Variants in CSNK1A1 observed in about 807,000 individuals in gnomAD.
The protein encoded by CSNK1A1 is casein kinase I isoform alpha.
CSNK1A1 carries 7 observed loss-of-function variants against 46.1 expected under a neutral mutation model. That is an observed-to-expected ratio of 0.15 (90% confidence interval 0.09 to 0.29). CSNK1A1 has a LOEUF of 0.29. CSNK1A1 is among the 10% of genes least tolerant of loss of function. The probability of loss-of-function intolerance (pLI) is 1.00; values close to 1 mark genes in which losing one functional copy is unlikely to be tolerated. For missense variants in CSNK1A1, 96 were observed against 417.1 expected (o/e 0.23, Z 6.71); for synonymous variants, 137 against 141.5 (o/e 0.97, Z 0.23).
Position 149,550,478 on chromosome 5 carries a change from C to A in CSNK1A1, c.124-297G>T. ...AGGAACTAGGCGATCGGAAACTGTT[C>A]TAATTGGAACAAGAGGCCCAGTAGA... On this transcript the variant is annotated intron_variant, in intron 1 of 9. Transcript: ENST00000377843. This position sits in a 1 kb window ranked among gnomAD's most constrained non-coding sequence, Gnocchi z 4.3. The A allele has an allele frequency of 2.9e-6, 1 of 340,246 alleles. No individual in the cohort carries two copies. The highest frequency in any genetic ancestry group is 4.1e-6 in the Non-Finnish European group (1 of 243,538). 21.1% of individuals were successfully genotyped at this position (340,246 alleles called of 1,614,324 possible). A position where few individuals can be genotyped will look rare whatever the true frequency, so the allele number is the denominator to read the frequency against.
chr5:149,548,385 G>C (rs554796680), intron 2 of CSNK1A1, among the ~76,000 whole-genome samples: 8 of 151,068 alleles, frequency 5.3e-5, no homozygotes, highest in Non-Finnish European at 1.2e-4. Context: ...TGGCCAACAC[G>C]GCAAAACCTC....
chr5:149,542,668 A>ATATATATATATATATATATG (rs1762332482), intron 2 of CSNK1A1, among the ~76,000 whole-genome samples: 1 of 11,700 alleles, frequency 8.5e-5, no homozygotes, highest in South Asian at 4.0e-3. Flanking sequence ...ATATATATAT[A>ATATATATATATATATATATG]TATGTATATA....
rs188419735 is a variant in CSNK1A1 at position 149,522,610 on chromosome 5, T to C, written c.358-2222A>G. ...ACACAGATTCTAAATTGTACTCTTC[T>C]ACCTTGACAAATGTCTTCTGAAGCC... On this transcript the variant is annotated intron_variant, in intron 3 of 9. Coordinates refer to ENST00000377843, the MANE Select transcript of CSNK1A1 (RefSeq NM_001892.6). Among the ~76,000 whole-genome samples the C allele has an allele frequency of 2.0e-4, 30 of 152,344 alleles. No individual in the cohort carries two copies. The South Asian group carries it at 3.3e-3, about 17-fold the overall frequency.
chr5:149,507,466 T>TC (rs904237076), intron 7 of CSNK1A1, among the ~76,000 whole-genome samples: 69 of 147,788 alleles, frequency 4.7e-4, no homozygotes, highest in African/African-American at 1.7e-3. Context: ...TTCGTGAACT[T>TC]TTTTTTTTTT....
chr5:149,509,399 CAG>C (rs914616771), intron 7 of CSNK1A1, among the ~76,000 whole-genome samples: 19 of 152,110 alleles, frequency 1.2e-4, no homozygotes, highest in African/African-American at 3.4e-4. Context: ...TCATTTGAGA[CAG>C]AGTCTTACTC....
In CSNK1A1 at chr5:149,507,311, C is replaced by A. The variant is rs149551454; in HGVS notation, c.751-178G>T. ...CATAAATTTAAATAAAATTTCATGA[C>A]CCTACCTACCCTATTATGTACAATA... On this transcript the variant is annotated intron_variant, in intron 7 of 9. Coordinates refer to ENST00000377843, the MANE Select transcript of CSNK1A1 (RefSeq NM_001892.6). Among the ~76,000 whole-genome samples, 446 of 152,192 alleles carry A rather than the reference C, an allele frequency of 2.9e-3. 3 individuals carry two copies. Among genetic ancestry groups the A allele is most frequent in the African/African-American group, 0.011 (438 of 41,508 alleles).
intron 2 of CSNK1A1, among the ~76,000 whole-genome samples, chr5:149,534,379 G>C (rs1761989220): frequency 6.6e-6 from 1 of 151,510 alleles, no homozygotes; most frequent in East Asian, 2.0e-4. Flanking sequence ...CTACTCTCGG[G>C]AGGCTGAGGC....
chr5:149,496,835 C>A lies in CSNK1A1; in HGVS notation c.*18G>T. 6.4e-7 allele frequency: 1 copy of A among 1,559,066 alleles called. No homozygotes were observed. Among genetic ancestry groups the A allele is most frequent in the Non-Finnish European group, 8.7e-7 (1 of 1,152,694 alleles). Reference sequence around the variant, plus strand: ...GCTCCGATCATCTGCTCTGCTTCTTCTGTTCCTCAATTCATGCTTAGAAAC... The same window carrying A: ...GCTCCGATCATCTGCTCTGCTTCTTATGTTCCTCAATTCATGCTTAGAAAC... On this transcript the variant is annotated 3_prime_UTR_variant, in exon 10 of 10. Transcript: ENST00000377843.
chr5:149,505,868 A>C (rs895442600), intron 8 of CSNK1A1, among the ~76,000 whole-genome samples: 2 of 152,220 alleles, frequency 1.3e-5, no homozygotes, highest in Admixed American at 6.5e-5. Flanking sequence ...GTTTGGGAAT[A>C]AGATGTCTGA....
At position 149,549,102 on chromosome 5, in the gene CSNK1A1, A is replaced by G. The variant is rs147389038; in HGVS notation, c.230+973T>C. Among the ~76,000 whole-genome samples, 25 of 152,304 alleles carry G rather than the reference A, an allele frequency of 1.6e-4. No homozygotes were observed. The East Asian group carries it at 1.7e-3, about 11-fold the overall frequency. ...TCGTTACTGCTATTTGCACTCACCA[A>G]TATTCCACACCAACAAAGGCCCCAA... On this transcript the variant is annotated intron_variant, in intron 2 of 9. Transcript: ENST00000377843.
intron 2 of CSNK1A1, among the ~76,000 whole-genome samples, chr5:149,529,272 C>G (rs1761813829): frequency 6.6e-6 from 1 of 152,130 alleles, no homozygotes; most frequent in South Asian, 2.1e-4. Flanking sequence ...ATTTACACAA[C>G]CATTATTACT....
chr5:149,498,398 T>A (rs1333250030), intron 9 of CSNK1A1: 1 of 985,248 alleles, frequency 1.0e-6, no homozygotes, highest in Admixed American at 6.1e-5. Flanking sequence ...TATTAAGAAG[T>A]ATTAGCGAGG....
chr5:149,541,593 T>G (rs1762232653), intron 2 of CSNK1A1, among the ~76,000 whole-genome samples: 1 of 152,236 alleles, frequency 6.6e-6, no homozygotes, highest in Non-Finnish European at 1.5e-5. Context: ...CACTCATTCT[T>G]GACAGCAAAA....
In CSNK1A1 at chr5:149,547,073, A is replaced by G. The variant is rs75911606; in HGVS notation, c.230+3002T>C. Among the ~76,000 whole-genome samples, 123 of 152,200 alleles carry G rather than the reference A, an allele frequency of 8.1e-4. 2 individuals are homozygous for G. Among genetic ancestry groups the G allele is most frequent in the African/African-American group, 2.7e-3 (114 of 41,516 alleles). ...TTTACCCTTTCCACACTCTCATCCA[A>G]TTACTGTGTTCTCCTTTAGAGACTA... On this transcript the variant is annotated intron_variant, in intron 2 of 9. Transcript: ENST00000377843.
At chr5:149,511,915 T>G (rs745801912) in intron 5 of CSNK1A1, 43 bp from the exon 6 acceptor site, 2 of 1,442,220 alleles carry the variant, frequency 1.4e-6, no homozygotes, top group Non-Finnish European at 1.9e-6. Flanking sequence ...ACTATTATTA[T>G]GAAAAAACAT....
At chr5:149,531,693 C>CAA (rs60488526) in intron 2 of CSNK1A1, among the ~76,000 whole-genome samples, 2 of 136,662 alleles carry the variant, frequency 1.5e-5, no homozygotes, top group Non-Finnish European at 1.6e-5. Context: ...ACTAAAAATA[C>CAA]AAAAAAAAAA....
chr5:149,540,277 T>C (rs1441526433), intron 2 of CSNK1A1, among the ~76,000 whole-genome samples: 4 of 152,208 alleles, frequency 2.6e-5, no homozygotes, highest in Non-Finnish European at 5.9e-5. Context: ...CATAATACAA[T>C]GCTCTTTCCA....
At chr5:149,498,486 A>G in intron 9 of CSNK1A1, 1 of 985,372 alleles carries the variant, frequency 1.0e-6, no homozygotes, top group Non-Finnish European at 1.2e-6. Flanking sequence ...TTTCAATTTT[A>G]AAATACAGGA....
intron 6 of CSNK1A1, among the ~76,000 whole-genome samples, chr5:149,510,245 G>C (rs1227148098): frequency 2.6e-5 from 4 of 151,962 alleles, no homozygotes; most frequent in Non-Finnish European, 5.9e-5. Flanking sequence ...AAATTGAAAA[G>C]CATTTTCTTT....
Sources: gnomAD v4.1 joint callset for allele counts (sites outside exome capture counted in the v4.1 genomes callset) on GRCh38, gnomAD v4.1.1 for gene constraint, Gnocchi (gnomAD v3.1) non-coding constraint, MANE v1.5 for transcripts, NCBI Gene and HGNC (gene_info 2026-07-23, HGNC 2026-07-21) for gene names.